The following RDX variants were observed in gnomAD, a reference collection of about 807,000 sequenced individuals.
The protein encoded by RDX is radixin.
In RDX, 32 loss-of-function variants were observed where a neutral mutation model predicts 83.7. The ratio of observed to expected loss-of-function variants is 0.38; its 90% CI spans 0.29 to 0.51. RDX has a LOEUF of 0.51. Ranked by LOEUF, RDX falls within the 20% of genes least tolerant of loss-of-function variation. The pLI is 0.87. For synonymous variants in RDX, 229 were observed against 222.7 expected (o/e 1.03, Z -0.25); for missense variants, 600 against 689.9 (o/e 0.87, Z 1.46).
At chr11:110,273,161 T>G in intron 2 of RDX, 2 of 449,748 alleles carry the variant, frequency 4.4e-6, no homozygotes, top group African/African-American at 2.0e-5. Flanking sequence ...TGCCGTGAGC[T>G]ATGATTGTAC....
intron 15 of RDX, among the ~76,000 whole-genome samples, chr11:110,198,262 G>A (rs1863272041): frequency 6.7e-6 from 1 of 148,822 alleles, no homozygotes; most frequent in Admixed American, 6.7e-5. Context: ...TTCACAAATG[G>A]GATGAGTCAA....
intron 14 of RDX, among the ~76,000 whole-genome samples, chr11:110,217,756 A>T (rs1267635453): frequency 6.6e-6 from 1 of 152,080 alleles, no homozygotes; most frequent in East Asian, 1.9e-4. Context: ...GGGTAGGGAG[A>T]TGGTACTTGT....
chr11:110,285,539 C>T (rs1323550625), intron 1 of RDX, among the ~76,000 whole-genome samples: 1 of 151,786 alleles, frequency 6.6e-6, no homozygotes, highest in East Asian at 1.9e-4. Flanking sequence ...CATGGAGAAA[C>T]CCTGTCTCTA....
At chr11:110,238,056 T>C (rs903185566) in intron 10 of RDX, among the ~76,000 whole-genome samples, 8 of 152,224 alleles carry the variant, frequency 5.3e-5, no homozygotes, top group East Asian at 3.8e-4. Context: ...ATCTGAAGTT[T>C]TGACCTCAGT....
At chr11:110,278,230 T>TC (rs59249590) in intron 2 of RDX, among the ~76,000 whole-genome samples, 2 of 48,880 alleles carry the variant, frequency 4.1e-5, no homozygotes, top group African/African-American at 1.9e-4. Flanking sequence ...GTAAGTTTTC[T>TC]TTTTTTTTTA....
intron 15 of RDX, chr11:110,184,976 C>T (rs1452442328): frequency 6.6e-6 from 1 of 152,196 alleles, no homozygotes; most frequent in Non-Finnish European, 1.5e-5. Flanking sequence ...CTCTGGCCTT[C>T]TCCTGAATCC....
At chr11:110,247,922 AAAT>A in intron 9 of RDX, 89 bp from the exon 10 acceptor site, 2 of 1,444,408 alleles carry the variant, frequency 1.4e-6, no homozygotes, top group South Asian at 1.3e-5. Context: ...AAAAGTAACA[AAAT>A]AATGTCTTTT....
chr11:110,282,001 G>A (rs1219235441), intron 1 of RDX, among the ~76,000 whole-genome samples: 1 of 148,692 alleles, frequency 6.7e-6, no homozygotes, highest in Non-Finnish European at 1.5e-5. Flanking sequence ...GGTGATGGAA[G>A]GAATGCTTGA....
intron 10 of RDX, among the ~76,000 whole-genome samples, chr11:110,245,364 T>C (rs562692678): frequency 6.6e-6 from 1 of 152,264 alleles, no homozygotes; most frequent in East Asian, 1.9e-4. Flanking sequence ...GCCCAGGAGT[T>C]TGAGGCTACA....
intron 10 of RDX, among the ~76,000 whole-genome samples, chr11:110,238,522 CTA>C (rs1242463742): frequency 1.3e-5 from 2 of 152,186 alleles, no homozygotes; most frequent in African/African-American, 2.4e-5. Context: ...CTAAGAAAAT[CTA>C]TATGTCATGA....
rs139108495 is a variant in RDX at position 110,291,089 on chromosome 11, G to A, written c.-65+5378C>T. 2.6e-5 allele frequency among the ~76,000 whole-genome samples: 4 copies of A among 152,318 alleles called. No individual in the cohort carries two copies. The East Asian group carries it at 7.7e-4, about 29-fold the overall frequency. Reference sequence around the variant, plus strand: ...GGGTGCAGTTGCCTGCACTTTAGGAGGCTGAGGCAGGAGGATCACTTGAGG... The same window carrying A: ...GGGTGCAGTTGCCTGCACTTTAGGAAGCTGAGGCAGGAGGATCACTTGAGG... On this transcript the variant is annotated intron_variant, in intron 1 of 13. Coordinates refer to ENST00000645495, the MANE Select transcript of RDX (RefSeq NM_002906.4).
intron 14 of RDX, among the ~76,000 whole-genome samples, chr11:110,209,480 G>A (rs1472532881): frequency 2.6e-5 from 4 of 152,330 alleles, no homozygotes; most frequent in South Asian, 2.1e-4. Context: ...ACTGGGTGGA[G>A]CCCACCACAG....
At chr11:110,290,163 T>A (rs1451131471) in intron 1 of RDX, among the ~76,000 whole-genome samples, 1 of 151,872 alleles carries the variant, frequency 6.6e-6, no homozygotes, top group East Asian at 1.9e-4. Context: ...CATCCAGAAC[T>A]CACAGCACAG....
intron 15 of RDX, among the ~76,000 whole-genome samples, chr11:110,186,763 T>G (rs911463356): frequency 6.6e-6 from 1 of 152,142 alleles, no homozygotes; most frequent in Non-Finnish European, 1.5e-5. Context: ...ATGAAGCAGC[T>G]TGGACACGGA....
Position 110,255,344 on chromosome 11 carries a change from T to G in RDX, c.740A>C (p.Asn247Thr). The part of the protein sequence containing the change: ...KIGFPWSEIR[N>T]ISFNDKKFVI... ...AAATTTTTTGTCATTAAATGAAATA[T>G]TTCTGATTTCACTCCAGGGAAAACC... The change falls in exon 8 of 14, where the codon AAT (asparagine) becomes ACT (threonine). Residue 247 changes from asparagine to threonine, a missense_variant. Coordinates refer to ENST00000645495, the MANE Select transcript of RDX (RefSeq NM_002906.4). 4 of 1,594,836 alleles carry G rather than the reference T, an allele frequency of 2.5e-6. No individual in the cohort carries two copies. The highest frequency in any genetic ancestry group is 3.4e-6 in the Non-Finnish European group (4 of 1,162,910).
chr11:110,263,808 C>G, intron 5 of RDX, 152 bp downstream of exon 5: 1 of 648,574 alleles, frequency 1.5e-6, no homozygotes, highest in Non-Finnish European at 2.6e-6. Flanking sequence ...GCAGAGGTTG[C>G]AGTGGGCTGA....
chr11:110,184,545 A>C (rs1413508569), intron 15 of RDX, among the ~76,000 whole-genome samples: 1 of 152,202 alleles, frequency 6.6e-6, no homozygotes, highest in Non-Finnish European at 1.5e-5. Context: ...GGAAATCGGC[A>C]GAGGGAAGAA....
intron 1 of RDX, among the ~76,000 whole-genome samples, chr11:110,284,802 C>T (rs1297813901): frequency 6.6e-6 from 1 of 152,032 alleles, no homozygotes; most frequent in African/African-American, 2.4e-5. Context: ...GGATTACAGG[C>T]GTGAGCCACC....
intron 14 of RDX, among the ~76,000 whole-genome samples, chr11:110,209,804 A>C (rs1229173080): frequency 6.9e-6 from 1 of 145,908 alleles, no homozygotes; most frequent in Non-Finnish European, 1.5e-5. Context: ...AAACTAACAA[A>C]CAGAAAGGAC....
Sources: allele counts gnomAD v4.1 joint callset (sites outside exome capture counted in the v4.1 genomes callset), GRCh38; gene constraint gnomAD v4.1.1; transcripts MANE v1.5; gene names NCBI Gene and HGNC (gene_info 2026-07-23, HGNC 2026-07-21).